RPH3A: variants seen among roughly 807,000 people sequenced by gnomAD.
RPH3A encodes the protein rabphilin 3A.
RPH3A carries 48 observed loss-of-function variants against 102.2 expected under a neutral mutation model. The observed-to-expected ratio is 0.47, with a 90% confidence interval of 0.37 to 0.60. The LOEUF (loss-of-function observed/expected upper bound fraction) is 0.60, where lower values mean the gene tolerates loss of function less well. RPH3A is among the 20% of genes least tolerant of loss of function. The probability of loss-of-function intolerance (pLI) is 0.00; values close to 1 mark genes in which losing one functional copy is unlikely to be tolerated. For synonymous variants in RPH3A, 310 were observed against 324.3 expected (o/e 0.96, Z 0.47); for missense variants, 781 against 910.1 (o/e 0.86, Z 1.83).
intron 1 of RPH3A, among the ~76,000 whole-genome samples, chr12:112,680,908 T>A (rs1264328235): frequency 6.6e-6 from 1 of 152,070 alleles, no homozygotes; most frequent in Non-Finnish European, 1.5e-5. Context: ...CCCTTCCTCT[T>A]CTTCTCCTCT....
At chr12:112,888,625 G>C (rs1446503796) in intron 17 of RPH3A, among the ~76,000 whole-genome samples, 1 of 152,206 alleles carries the variant, frequency 6.6e-6, no homozygotes, top group African/African-American at 2.4e-5. Flanking sequence ...TAACCTCATA[G>C]GATCTTTTAA....
chr12:112,814,087 C>T (rs956831210), intron 2 of RPH3A, among the ~76,000 whole-genome samples: 2 of 150,162 alleles, frequency 1.3e-5, no homozygotes, highest in African/African-American at 2.5e-5. Flanking sequence ...GGAGTGTGCA[C>T]GAGTGTGTAG....
intron 1 of RPH3A, among the ~76,000 whole-genome samples, chr12:112,704,177 C>G (rs2040413438): frequency 6.6e-6 from 1 of 152,080 alleles, no homozygotes; most frequent in East Asian, 1.9e-4. Context: ...CAACCTCCAC[C>G]TCCCAGGTTC....
At chr12:112,644,194 C>CA (rs113456327) in intron 1 of RPH3A, among the ~76,000 whole-genome samples, 1,986 of 152,252 alleles carry the variant, frequency 0.013, 59 homozygotes, top group African/African-American at 0.046. Flanking sequence ...CCTAATGGTA[C>CA]AATGTACACT....
chr12:112,583,355 G>T (rs908026038), intron 1 of RPH3A, among the ~76,000 whole-genome samples: 1 of 152,176 alleles, frequency 6.6e-6, no homozygotes, highest in Non-Finnish European at 1.5e-5. Context: ...GCACAGAAAA[G>T]TTGAGTTCTT....
intron 3 of RPH3A, among the ~76,000 whole-genome samples, chr12:112,830,229 T>A (rs1242701808): frequency 6.6e-6 from 1 of 152,176 alleles, no homozygotes; most frequent in Non-Finnish European, 1.5e-5. Context: ...TATAGTATTT[T>A]CATTGTTTCT....
chr12:112,683,206 T>A (rs1002681382), intron 1 of RPH3A, among the ~76,000 whole-genome samples: 1 of 152,156 alleles, frequency 6.6e-6, no homozygotes, highest in African/African-American at 2.4e-5. Flanking sequence ...ATCTGACATT[T>A]GGGAGAGTAT....
At chr12:112,635,446 A>G (rs1461544353) in intron 1 of RPH3A, among the ~76,000 whole-genome samples, 2 of 152,192 alleles carry the variant, frequency 1.3e-5, no homozygotes, top group Non-Finnish European at 2.9e-5. Flanking sequence ...ATTCTAACTC[A>G]TAGGATCTTC....
chr12:112,769,473 T>C (rs1253711215), intron 1 of RPH3A, among the ~76,000 whole-genome samples: 1 of 152,266 alleles, frequency 6.6e-6, no homozygotes, highest in Non-Finnish European at 1.5e-5. Context: ...TTGCTGTCAG[T>C]TGGAAGGCTT....
At chr12:112,830,983 A>G (rs2041961060) in intron 3 of RPH3A, among the ~76,000 whole-genome samples, 1 of 152,122 alleles carries the variant, frequency 6.6e-6, no homozygotes, top group Non-Finnish European at 1.5e-5. Context: ...CTTTCTGTAA[A>G]GGACCAAATA....
upstream of RPH3A, among the ~76,000 whole-genome samples, chr12:112,789,211 C>T (rs1040023765): frequency 4.6e-5 from 7 of 152,128 alleles, no homozygotes; most frequent in Non-Finnish European, 8.8e-5. Flanking sequence ...CTGGGACTGC[C>T]CTAGGCAATA....
chr12:112,577,403 A>C (rs541916748), intron 1 of RPH3A, among the ~76,000 whole-genome samples: 20 of 152,124 alleles, frequency 1.3e-4, no homozygotes, highest in Non-Finnish European at 2.1e-4. Context: ...GCTGCCGGTG[A>C]GTGTGTCTCT....
intron 13 of RPH3A, among the ~76,000 whole-genome samples, chr12:112,877,903 G>A (rs1565938224): frequency 6.6e-6 from 1 of 152,204 alleles, no homozygotes; most frequent in Non-Finnish European, 1.5e-5. Flanking sequence ...CTGTGCATTT[G>A]CCTATTTAAT....
intron 1 of RPH3A, among the ~76,000 whole-genome samples, chr12:112,584,964 C>T (rs907367316): frequency 6.6e-6 from 1 of 152,162 alleles, no homozygotes; most frequent in Non-Finnish European, 1.5e-5. Context: ...CAGTCTGAGT[C>T]CCAAAACCTC....
intron 1 of RPH3A, among the ~76,000 whole-genome samples, chr12:112,777,572 C>T (rs1391355909): frequency 6.6e-6 from 1 of 152,186 alleles, no homozygotes; most frequent in Non-Finnish European, 1.5e-5. Flanking sequence ...ATGGAGATAC[C>T]TCTGAAGTAG....
intron 1 of RPH3A, among the ~76,000 whole-genome samples, chr12:112,577,808 G>A (rs931125264): frequency 1.3e-5 from 2 of 151,558 alleles, no homozygotes; most frequent in Admixed American, 6.6e-5. Flanking sequence ...CTCCCAAAGT[G>A]CTAAAATTAC....
intron 1 of RPH3A, among the ~76,000 whole-genome samples, chr12:112,783,242 G>A (rs2041021025): frequency 1.3e-5 from 2 of 152,194 alleles, no homozygotes; most frequent in Admixed American, 6.5e-5. Context: ...CTCCCCAGAT[G>A]TTGGAGTCAG....
chr12:112,717,281 C>G lies in RPH3A; in HGVS notation c.-139-74862C>G, dbSNP rs367987832. 2.0e-5 allele frequency among the ~76,000 whole-genome samples: 3 copies of G among 152,218 alleles called. No individual in the cohort carries two copies. In the East Asian group the frequency reaches 5.8e-4, roughly 29 times the overall value. ...TACCTCAATCAAGATACAGAACCAC[C>G]ACCCCCATCCCAAATTCTCTCATGC... On this transcript the variant is annotated intron_variant, in intron 1 of 21. Coordinates refer to the RPH3A transcript ENST00000543106.
chr12:112,664,067 G>C lies in RPH3A; in HGVS notation c.-140+88748G>C, dbSNP rs1387924060. On this transcript the variant is annotated intron_variant, in intron 1 of 21. Coordinates refer to the RPH3A transcript ENST00000543106. Reference sequence around the variant, plus strand: ...GAAGCTCAAGCCAGCAGTTGCCAAGGGGAATAGTTTTTGAGCTGAGTCTTG... The same window carrying C: ...GAAGCTCAAGCCAGCAGTTGCCAAGCGGAATAGTTTTTGAGCTGAGTCTTG... Among the ~76,000 whole-genome samples the C allele has an allele frequency of 2.6e-5, 4 of 152,148 alleles. No homozygotes were observed. In the East Asian group the frequency reaches 7.7e-4, roughly 29 times the overall value.
Sources: allele counts gnomAD v4.1 joint callset (sites outside exome capture counted in the v4.1 genomes callset), GRCh38; gene constraint gnomAD v4.1.1; transcripts MANE v1.5; gene names NCBI Gene and HGNC (gene_info 2026-07-23, HGNC 2026-07-21).